LRRC37A2: variants seen among roughly 807,000 people sequenced by gnomAD.
LRRC37A2 encodes the protein leucine rich repeat containing 37 member A2.
LRRC37A2 carries 9 observed loss-of-function variants against 68.8 expected under a neutral mutation model. That is an observed-to-expected ratio of 0.13 (90% CI 0.08 to 0.23). The LOEUF (loss-of-function observed/expected upper bound fraction) is 0.23, where lower values mean the gene tolerates loss of function less well. Among genes scored for constraint, LRRC37A2 ranks in the 10% least tolerant of loss-of-function variants. The probability of loss-of-function intolerance (pLI) is 1.00; values close to 1 mark genes in which losing one functional copy is unlikely to be tolerated. For missense variants in LRRC37A2, 168 were observed against 950.4 expected, an observed-to-expected ratio of 0.18 and a Z score of 10.82; for synonymous variants, 63 against 367.6, an observed-to-expected ratio of 0.17 and a Z score of 9.48.
At chr17:46,717,757 G>T in the LRRC37A2 span, among the ~76,000 whole-genome samples, 2 of 152,128 alleles carry the variant, frequency 1.3e-5, no homozygotes, top group Non-Finnish European at 2.9e-5. Flanking sequence ...GGGCCTGGTG[G>T]CAGTGGCGGT....
At chr17:46,500,032 C>G in the LRRC37A2 span, among the ~76,000 whole-genome samples, 1 of 135,838 alleles carries the variant, frequency 7.4e-6, no homozygotes, top group East Asian at 2.2e-4. Context: ...TAATATAATT[C>G]CTCCATTAAG....
the LRRC37A2 span, among the ~76,000 whole-genome samples, chr17:46,822,558 T>C: frequency 1.2e-4 from 18 of 151,884 alleles, no homozygotes; most frequent in Non-Finnish European, 2.2e-4. Flanking sequence ...GAGGAAGGGG[T>C]CGCGCCTGGT....
chr17:46,710,857 G>A, the LRRC37A2 span: 2 of 939,780 alleles, frequency 2.1e-6, no homozygotes, highest in East Asian at 3.0e-5. Context: ...TATTAATATG[G>A]GATAGTGATC....
the LRRC37A2 span, among the ~76,000 whole-genome samples, chr17:46,855,321 G>A: frequency 3.9e-5 from 6 of 152,234 alleles, no homozygotes; most frequent in African/African-American, 1.4e-4. Context: ...ATTCTTTTCT[G>A]TCCTCAGTAG....
At chr17:46,820,863 G>A in the LRRC37A2 span, among the ~76,000 whole-genome samples, 2 of 152,276 alleles carry the variant, frequency 1.3e-5, no homozygotes, top group South Asian at 2.1e-4. Context: ...CTGAGAGCTG[G>A]GGAGGGCTAC....
intron 7 of LRRC37A2, among the ~76,000 whole-genome samples, chr17:46,540,472 C>T (rs1343759446): frequency 2.7e-5 from 4 of 147,834 alleles, no homozygotes; most frequent in African/African-American, 7.8e-5. Flanking sequence ...AGATTTGGAA[C>T]ATGTAGACAC....
intron 8 of LRRC37A2, among the ~76,000 whole-genome samples, chr17:46,542,796 T>A (rs1340312395): frequency 6.6e-6 from 1 of 150,588 alleles, no homozygotes; most frequent in East Asian, 1.9e-4. Context: ...ACTTCAATTG[T>A]GCCACCAGCC....
the LRRC37A2 span, among the ~76,000 whole-genome samples, chr17:46,882,137 C>G: frequency 6.6e-6 from 1 of 152,162 alleles, no homozygotes; most frequent in Non-Finnish European, 1.5e-5. Flanking sequence ...GCCTGAGCGA[C>G]AGAGTGAGAC....
the LRRC37A2 span, among the ~76,000 whole-genome samples, chr17:46,889,044 C>T: frequency 2.6e-5 from 4 of 152,136 alleles, no homozygotes; most frequent in African/African-American, 9.7e-5. Context: ...ATTTCCTCTG[C>T]TTGCCTGCTC....
At chr17:47,035,569 T>C in the LRRC37A2 span, among the ~76,000 whole-genome samples, 3 of 152,238 alleles carry the variant, frequency 2.0e-5, no homozygotes, top group African/African-American at 7.2e-5. Flanking sequence ...CATCACTTAG[T>C]GGACATTTGG....
chr17:46,834,449 G>A, the LRRC37A2 span, among the ~76,000 whole-genome samples: 1 of 152,132 alleles, frequency 6.6e-6, no homozygotes, highest in African/African-American at 2.4e-5. Flanking sequence ...AGGGCACCTG[G>A]CAAGTTCTGC....
chr17:46,727,607 G>A, the LRRC37A2 span, among the ~76,000 whole-genome samples: 1 of 152,094 alleles, frequency 6.6e-6, no homozygotes, highest in Non-Finnish European at 1.5e-5. Context: ...AGCAAAGCAG[G>A]TATATCTGTG....
chr17:46,737,572 CGTGTGTGT>C, the LRRC37A2 span, among the ~76,000 whole-genome samples: 15 of 147,160 alleles, frequency 1.0e-4, no homozygotes, highest in South Asian at 2.2e-4. Flanking sequence ...GGTGTGTGTG[CGTGTGTGT>C]GTGTGTGTGT....
the LRRC37A2 span, among the ~76,000 whole-genome samples, chr17:46,998,083 C>T: frequency 6.6e-6 from 1 of 152,008 alleles, no homozygotes; most frequent in Non-Finnish European, 1.5e-5. Flanking sequence ...TTATTTGGAT[C>T]TTGATTTAAT....
chr17:46,980,766 A>G, the LRRC37A2 span, among the ~76,000 whole-genome samples: 13 of 151,734 alleles, frequency 8.6e-5, no homozygotes, highest in South Asian at 1.9e-3. Flanking sequence ...CCGGGAGGTG[A>G]AGCTTGCAGT....
the LRRC37A2 span, among the ~76,000 whole-genome samples, chr17:46,843,595 A>T: frequency 6.6e-6 from 1 of 152,134 alleles, no homozygotes. Context: ...CACAGTCGTT[A>T]AATATGTGTC....
chr17:46,822,912 G>C, the LRRC37A2 span, among the ~76,000 whole-genome samples: 1 of 151,674 alleles, frequency 6.6e-6, no homozygotes, highest in Non-Finnish European at 1.5e-5. Flanking sequence ...AGGGGCCGCT[G>C]TGGGCACCTG....
At chr17:47,030,301 C>T in the LRRC37A2 span, among the ~76,000 whole-genome samples, 1 of 149,098 alleles carries the variant, frequency 6.7e-6, no homozygotes, top group African/African-American at 2.5e-5. Context: ...CAAAGACACA[C>T]CAAGATGAGG....
the LRRC37A2 span, among the ~76,000 whole-genome samples, chr17:47,009,702 C>T: frequency 7.2e-5 from 11 of 152,366 alleles, no homozygotes; most frequent in East Asian, 9.6e-4. Flanking sequence ...TCCGCCCCCA[C>T]GCCCCGGCAG....
Sources: gnomAD v4.1 joint callset for allele counts (sites outside exome capture counted in the v4.1 genomes callset) on GRCh38, gnomAD v4.1.1 for gene constraint, MANE v1.5 for transcripts, NCBI Gene and HGNC (gene_info 2026-07-23, HGNC 2026-07-21) for gene names.